The following MECOM variants were observed in gnomAD, a reference collection of about 807,000 sequenced individuals.
The protein encoded by MECOM is MDS1 and EVI1 complex locus, also known as histone-lysine N-methyltransferase MECOM.
MECOM carries 13 observed loss-of-function variants against 116.3 expected under a neutral mutation model. That is an observed-to-expected ratio of 0.11 (90% CI 0.07 to 0.18). The LOEUF is 0.18. MECOM is among the 10% of genes least tolerant of loss of function. The probability of loss-of-function intolerance (pLI) is 1.00; values close to 1 mark genes in which losing one functional copy is unlikely to be tolerated. For missense variants in MECOM, 1,299 were observed against 1,509.0 expected (o/e 0.86, Z 2.31); for synonymous variants, 528 against 535.2 (o/e 0.99, Z 0.19).
chr3:169,624,111 G>A (rs1244033186), intron 1 of MECOM, among the ~76,000 whole-genome samples: 1 of 152,172 alleles, frequency 6.6e-6, no homozygotes, highest in Non-Finnish European at 1.5e-5. Flanking sequence ...TTCAGTCTGG[G>A]CCTGACACAT....
chr3:169,568,097 T>C (rs1763451163), intron 1 of MECOM, among the ~76,000 whole-genome samples: 1 of 152,034 alleles, frequency 6.6e-6, no homozygotes, highest in African/African-American at 2.4e-5. Flanking sequence ...GGGCGTCACC[T>C]CACCCAGGAA....
intron 1 of MECOM, among the ~76,000 whole-genome samples, chr3:169,562,266 A>C (rs967339039): frequency 4.6e-5 from 7 of 152,140 alleles, no homozygotes; most frequent in African/African-American, 1.4e-4. Flanking sequence ...CCAGAATCTT[A>C]TCTCTAAACA....
intron 1 of MECOM, among the ~76,000 whole-genome samples, chr3:169,468,846 C>T (rs1273896847): frequency 3.3e-5 from 5 of 152,190 alleles, no homozygotes; most frequent in Non-Finnish European, 7.3e-5. Flanking sequence ...AACAACTCGC[C>T]TGGGAACAGA....
chr3:169,327,110 A>C (rs1345065653), intron 2 of MECOM, among the ~76,000 whole-genome samples: 1 of 152,192 alleles, frequency 6.6e-6, no homozygotes, highest in Non-Finnish European at 1.5e-5. Flanking sequence ...GTCAGATGCA[A>C]AAGGCTTGCC....
intron 1 of MECOM, among the ~76,000 whole-genome samples, chr3:169,471,912 T>G (rs1749312508): frequency 6.6e-6 from 1 of 152,232 alleles, no homozygotes; most frequent in African/African-American, 2.4e-5. Flanking sequence ...CCCTTCATTT[T>G]AGCAACCATG....
chr3:169,601,833 T>C (rs1767869723), intron 1 of MECOM, among the ~76,000 whole-genome samples: 1 of 152,220 alleles, frequency 6.6e-6, no homozygotes, highest in Admixed American at 6.5e-5. Flanking sequence ...ATATTCTACA[T>C]GTAGGTTAAA....
intron 2 of MECOM, among the ~76,000 whole-genome samples, chr3:169,307,815 T>G (rs1438230005): frequency 6.6e-6 from 1 of 152,122 alleles, no homozygotes; most frequent in Non-Finnish European, 1.5e-5. Context: ...TTTCTGATGC[T>G]CCATAGCAAT....
At chr3:169,329,280 G>T (rs978111816) in intron 2 of MECOM, among the ~76,000 whole-genome samples, 2 of 152,132 alleles carry the variant, frequency 1.3e-5, no homozygotes, top group Non-Finnish European at 2.9e-5. Flanking sequence ...AGTCTATCAG[G>T]TGGCCCAGAA....
In MECOM at chr3:169,455,821, A is replaced by G. The variant is rs577385254; in HGVS notation, c.38-74297T>C. 3.9e-5 allele frequency among the ~76,000 whole-genome samples: 6 copies of G among 152,060 alleles called. No individual in the cohort carries two copies. The East Asian group carries it at 7.8e-4, about 20-fold the overall frequency. On this transcript the variant is annotated intron_variant, in intron 1 of 16. Transcript: ENST00000651503. ...AGACACCAGCCACTTCCAAACCACC[A>G]TTGGAATTGGTTTGGTTTGTCCATC...
chr3:169,646,140 C>A (rs1311165978), intron 1 of MECOM, among the ~76,000 whole-genome samples: 2 of 152,062 alleles, frequency 1.3e-5, no homozygotes, highest in Admixed American at 6.6e-5. Flanking sequence ...TCCAGTCTAT[C>A]ACTGATGGAC....
intron 1 of MECOM, among the ~76,000 whole-genome samples, chr3:169,502,567 T>C (rs1272628177): frequency 1.3e-5 from 2 of 152,148 alleles, no homozygotes; most frequent in African/African-American, 4.8e-5. Context: ...TGTTAAGTAA[T>C]TACCCAGAGT....
rs750937460 is a variant in MECOM at position 169,085,049 on chromosome 3, G to A, written c.3586-6C>T. 4 of 1,613,718 alleles carry A rather than the reference G, an allele frequency of 2.5e-6. No homozygotes were observed. Among genetic ancestry groups the A allele is most frequent in the Non-Finnish European group, 3.4e-6 (4 of 1,179,812 alleles). Reference sequence around the variant, plus strand: ...GACAGCATCATAGCATATGCCTGGGGTAAAAAGGAGAGAGACTCAGTAAAT... The same window carrying A: ...GACAGCATCATAGCATATGCCTGGGATAAAAAGGAGAGAGACTCAGTAAAT... On this transcript the variant is annotated splice_region_variant and splice_polypyrimidine_tract_variant and intron_variant, in intron 16 of 16. Coordinates refer to ENST00000651503, the MANE Select transcript of MECOM (RefSeq NM_004991.4).
chr3:169,312,322 T>A (rs1478713289), intron 2 of MECOM, among the ~76,000 whole-genome samples: 1 of 151,838 alleles, frequency 6.6e-6, no homozygotes, highest in Non-Finnish European at 1.5e-5. Context: ...ATGATTAATT[T>A]GATGTAGATG....
chr3:169,270,993 C>A (rs1017450450), intron 2 of MECOM, among the ~76,000 whole-genome samples: 2 of 152,138 alleles, frequency 1.3e-5, no homozygotes, highest in African/African-American at 4.8e-5. Context: ...TCCTTCTTGT[C>A]CATATTTAAG....
At chr3:169,337,503 G>GA (rs201169333) in intron 2 of MECOM, among the ~76,000 whole-genome samples, 1,712 of 151,458 alleles carry the variant, frequency 0.011, 29 homozygotes, top group African/African-American at 0.039. Context: ...ACTGTAATAA[G>GA]AAAAAAAAAT....
chr3:169,580,836 G>A (rs1451163199), intron 1 of MECOM, among the ~76,000 whole-genome samples: 1 of 152,120 alleles, frequency 6.6e-6, no homozygotes, highest in African/African-American at 2.4e-5. Context: ...ATTGTGTTTT[G>A]TTTTGTTTTG....
chr3:169,663,081 G>T (rs1032354911), intron 1 of MECOM, among the ~76,000 whole-genome samples: 1 of 40,442 alleles, frequency 2.5e-5, no homozygotes, highest in South Asian at 7.7e-4. Context: ...CCCCCACCCC[G>T]GGGTTGCCAC....
At chr3:169,164,234 G>A (rs1426641170) in intron 2 of MECOM, among the ~76,000 whole-genome samples, 2 of 152,062 alleles carry the variant, frequency 1.3e-5, no homozygotes, top group African/African-American at 2.4e-5. Context: ...CCTCATGACA[G>A]TGAATGAGTT....
At chr3:169,120,199 A>T (rs184708726) in intron 7 of MECOM, among the ~76,000 whole-genome samples, 60 of 152,348 alleles carry the variant, frequency 3.9e-4, no homozygotes, top group African/African-American at 1.4e-3. Context: ...TGCCCCGCCA[A>T]GCAATGGATT....
Sources: gnomAD v4.1 joint callset for allele counts (sites outside exome capture counted in the v4.1 genomes callset) on GRCh38, gnomAD v4.1.1 for gene constraint, MANE v1.5 for transcripts, NCBI Gene and HGNC (gene_info 2026-07-23, HGNC 2026-07-21) for gene names.